NR3C2: variants seen among roughly 807,000 people sequenced by gnomAD.
NR3C2 encodes nuclear receptor subfamily 3 group C member 2, also known as mineralocorticoid receptor.
A neutral mutation model predicts 86.4 loss-of-function variants in NR3C2; 15 were observed. That is an observed-to-expected ratio of 0.17 (90% CI 0.12 to 0.27). The LOEUF (loss-of-function observed/expected upper bound fraction) is 0.27, where lower values mean the gene tolerates loss of function less well. Among genes scored for constraint, NR3C2 ranks in the 10% least tolerant of loss-of-function variants. The probability of loss-of-function intolerance (pLI) is 1.00; values close to 1 mark genes in which losing one functional copy is unlikely to be tolerated. For synonymous variants in NR3C2, 458 were observed against 450.5 expected, an observed-to-expected ratio of 1.02 and a Z score of -0.21; for missense variants, 960 against 1,195.6, an observed-to-expected ratio of 0.80 and a Z score of 2.91.
At chr4:148,201,208 C>A (rs1429897577) in intron 3 of NR3C2, 1 of 152,204 alleles carries the variant, frequency 6.6e-6, no homozygotes, top group Non-Finnish European at 1.5e-5. Context: ...TTCTAGGGCC[C>A]TTCACTGCTT....
chr4:148,359,095 G>A (rs531408488), intron 2 of NR3C2, among the ~76,000 whole-genome samples: 10 of 152,172 alleles, frequency 6.6e-5, no homozygotes, highest in African/African-American at 2.4e-4. Flanking sequence ...AAATGCTTCT[G>A]CTAATCTATG....
At chr4:148,174,683 G>C (rs1388193492) in intron 4 of NR3C2, among the ~76,000 whole-genome samples, 1 of 152,174 alleles carries the variant, frequency 6.6e-6, no homozygotes, top group African/African-American at 2.4e-5. Context: ...CAGATGAGTG[G>C]AAGTGAAGTA....
chr4:148,097,756 T>G lies in NR3C2; in HGVS notation c.2800-16257A>C, dbSNP rs200732015. On this transcript the variant is annotated intron_variant, in intron 8 of 8. Coordinates refer to ENST00000358102, the MANE Select transcript of NR3C2 (RefSeq NM_000901.5). ...ACTTTTTTGCGTTTTTTTTTGTTTT[T>G]TTTTTTTTTTTTAAGCTCATCAGCT... is the stretch of plus-strand genomic sequence containing the variant. Among the ~76,000 whole-genome samples, 11 of 150,236 alleles carry G rather than the reference T, an allele frequency of 7.3e-5. No homozygotes were observed. The East Asian group carries it at 7.7e-4, about 11-fold the overall frequency.
chr4:148,430,458 G>A (rs1011892034), intron 2 of NR3C2, among the ~76,000 whole-genome samples: 3 of 151,488 alleles, frequency 2.0e-5, no homozygotes, highest in East Asian at 1.9e-4. Flanking sequence ...AAATATAAGC[G>A]AATGAAAAAT....
chr4:148,406,419 C>A (rs1234034085), intron 2 of NR3C2, among the ~76,000 whole-genome samples: 1 of 151,922 alleles, frequency 6.6e-6, no homozygotes, highest in Non-Finnish European at 1.5e-5. Flanking sequence ...GAGTTCTAGC[C>A]GATAGGACGC....
chr4:148,304,507 A>G lies in NR3C2; in HGVS notation c.1758-44390T>C, dbSNP rs561947888. 8.5e-4 allele frequency among the ~76,000 whole-genome samples: 130 copies of G among 152,164 alleles called. 1 individual carries two copies. The highest frequency in any genetic ancestry group is 1.5e-3 in the Non-Finnish European group (105 of 67,994). ...TTAAACTCCAAAGCGTCATGGAATCAGAGCCTCAGACAATGGCCCCTTCTG... is the reference window on the plus strand; with the variant it reads ...TTAAACTCCAAAGCGTCATGGAATCGGAGCCTCAGACAATGGCCCCTTCTG... On this transcript the variant is annotated intron_variant, in intron 2 of 8. Transcript: ENST00000358102.
At chr4:148,292,981 C>T (rs1741868274) in intron 2 of NR3C2, among the ~76,000 whole-genome samples, 1 of 152,040 alleles carries the variant, frequency 6.6e-6, no homozygotes, top group African/African-American at 2.4e-5. Context: ...TGAGTAATAG[C>T]TGCACAGAAC....
In NR3C2 at chr4:148,299,885, C is replaced by T. The variant is rs1742251331; in HGVS notation, c.1758-39768G>A. The stretch of plus-strand genomic sequence containing the variant: ...TTTTAAAAGAAAGGTCCTTTTTTCC[C>T]TTTTAGAAGCCGTGTTACTAGACCA... On this transcript the variant is annotated intron_variant, in intron 2 of 8. Coordinates refer to ENST00000358102, the MANE Select transcript of NR3C2 (RefSeq NM_000901.5). Among the ~76,000 whole-genome samples, 3 of 151,832 alleles carry T rather than the reference C, an allele frequency of 2.0e-5. No individual in the cohort carries two copies. The South Asian group carries it at 6.2e-4, about 32-fold the overall frequency.
chr4:148,093,212 G>C (rs1016817380), intron 8 of NR3C2, among the ~76,000 whole-genome samples: 4 of 152,246 alleles, frequency 2.6e-5, no homozygotes, highest in African/African-American at 9.6e-5. Context: ...GGCTCGCTCT[G>C]ACAATGAGGC....
intron 2 of NR3C2, among the ~76,000 whole-genome samples, chr4:148,292,043 T>C (rs1187027297): frequency 1.3e-5 from 2 of 152,128 alleles, no homozygotes; most frequent in Non-Finnish European, 2.9e-5. Flanking sequence ...CTACTGAATG[T>C]ATATTACTTT....
At chr4:148,217,680 A>C (rs1456908711) in intron 3 of NR3C2, among the ~76,000 whole-genome samples, 14 of 152,062 alleles carry the variant, frequency 9.2e-5, no homozygotes. Flanking sequence ...ATCCATTTAC[A>C]TTTTTCTAAC....
upstream of NR3C2, chr4:148,444,859 C>A (rs1579307443): frequency 3.0e-6 from 3 of 984,976 alleles, no homozygotes; most frequent in East Asian, 3.4e-4. Flanking sequence ...TCCCTGGGAG[C>A]CGGGAAGTCC....
chr4:148,151,332 G>A (rs1044175575), intron 6 of NR3C2, among the ~76,000 whole-genome samples: 6 of 152,010 alleles, frequency 3.9e-5, no homozygotes, highest in African/African-American at 1.2e-4. Flanking sequence ...ATTTTAAAAC[G>A]GGCTTACTAT....
chr4:148,215,421 C>T (rs61758915), intron 3 of NR3C2, among the ~76,000 whole-genome samples: 6 of 152,184 alleles, frequency 3.9e-5, no homozygotes, highest in Admixed American at 6.5e-5. Flanking sequence ...GAAGCTGATC[C>T]GGGCTTTCCT....
chr4:148,086,759 A>G (rs773936593), intron 8 of NR3C2, among the ~76,000 whole-genome samples: 3 of 152,128 alleles, frequency 2.0e-5, no homozygotes, highest in African/African-American at 7.2e-5. Context: ...ACAAAAAAAT[A>G]AACTAGGTAT....
intron 2 of NR3C2, among the ~76,000 whole-genome samples, chr4:148,428,254 T>C (rs1266216696): frequency 1.3e-5 from 2 of 152,178 alleles, no homozygotes; most frequent in African/African-American, 2.4e-5. Context: ...GTACAAAAGC[T>C]GATGTTAAGG....
At chr4:148,098,393 C>T (rs372447493) in intron 8 of NR3C2, among the ~76,000 whole-genome samples, 1 of 152,102 alleles carries the variant, frequency 6.6e-6, no homozygotes, top group Admixed American at 6.6e-5. Context: ...TTTTCTTGCA[C>T]TTAGGAACAT....
chr4:148,154,702 G>A lies in NR3C2; in HGVS notation c.2214C>T (p.Pro738=), dbSNP rs573824184. Residue 738 remains proline (P), a synonymous_variant, in exon 5 of 9, where the codon CCC becomes CCT. Coordinates refer to ENST00000358102, the MANE Select transcript of NR3C2 (RefSeq NM_000901.5). ...STISRALTPS[P]VMVLENIEPE... is the part of the protein sequence containing the mutation. ...GTTCAATGTTTTCAAGGACCATAAC[G>A]GGGGAAGGTGTGAGCGCTCGTGAGA... 33 of 1,613,996 alleles carry A rather than the reference G, an allele frequency of 2.0e-5. No homozygotes were observed. The highest frequency in any genetic ancestry group is 2.4e-5 in the Non-Finnish European group (28 of 1,180,012).
chr4:148,442,713 G>A (rs1166948508), upstream of NR3C2: 1 of 985,384 alleles, frequency 1.0e-6, no homozygotes, highest in Non-Finnish European at 1.2e-6. Flanking sequence ...CCTGGACTCG[G>A]CAGCTTCCTT....
Sources: allele counts gnomAD v4.1 joint callset (sites outside exome capture counted in the v4.1 genomes callset), GRCh38; gene constraint gnomAD v4.1.1; transcripts MANE v1.5; gene names NCBI Gene and HGNC (gene_info 2026-07-23, HGNC 2026-07-21).